The following TRIM44 variants were observed in gnomAD, a reference collection of about 807,000 sequenced individuals.
TRIM44 encodes the protein tripartite motif containing 44.
In TRIM44, 13 loss-of-function variants were observed where a neutral mutation model predicts 37.4. That is an observed-to-expected ratio of 0.35 (90% CI 0.23 to 0.55). The LOEUF is 0.55. Ranked by LOEUF, TRIM44 falls within the 20% of genes least tolerant of loss-of-function variation. The pLI is 0.89. For synonymous variants in TRIM44, 175 were observed against 157.2 expected (o/e 1.11, Z -0.85); for missense variants, 426 against 437.2 (o/e 0.97, Z 0.23).
chr11:35,712,538 TGG>T (rs1851988411), intron 2 of TRIM44, among the ~76,000 whole-genome samples: 3 of 152,110 alleles, frequency 2.0e-5, no homozygotes, highest in South Asian at 2.1e-4. Flanking sequence ...AAAACTAAGG[TGG>T]GCATGGTTTC....
chr11:35,732,622 G>C (rs1394002769), intron 3 of TRIM44, among the ~76,000 whole-genome samples: 2 of 152,316 alleles, frequency 1.3e-5, no homozygotes, highest in Non-Finnish European at 2.9e-5. Context: ...TCTTCTCTAA[G>C]TACTAGTGTA....
intron 4 of TRIM44, among the ~76,000 whole-genome samples, chr11:35,745,906 C>A (rs1461837670): frequency 1.3e-5 from 2 of 151,996 alleles, no homozygotes; most frequent in East Asian, 3.9e-4. Context: ...GACTGGGAAT[C>A]CCCCCGCCTT....
chr11:35,680,743 A>G (rs548474099), intron 1 of TRIM44, among the ~76,000 whole-genome samples: 2 of 152,340 alleles, frequency 1.3e-5, no homozygotes, highest in African/African-American at 4.8e-5. Flanking sequence ...ATATCCATCA[A>G]CAACATATGG....
At chr11:35,675,305 A>G (rs1851447898) in intron 1 of TRIM44, among the ~76,000 whole-genome samples, 1 of 152,224 alleles carries the variant, frequency 6.6e-6, no homozygotes, top group Non-Finnish European at 1.5e-5. Flanking sequence ...ATCTAAAATA[A>G]TGAAATAATT....
intron 1 of TRIM44, among the ~76,000 whole-genome samples, chr11:35,674,433 C>T (rs1222402180): frequency 6.6e-6 from 1 of 152,080 alleles, no homozygotes; most frequent in African/African-American, 2.4e-5. Context: ...ACCAAAGGCT[C>T]AATCCACAAT....
At chr11:35,805,172 C>T (rs1424486789) in intron 4 of TRIM44, among the ~76,000 whole-genome samples, 1 of 152,048 alleles carries the variant, frequency 6.6e-6, no homozygotes, top group Non-Finnish European at 1.5e-5. Flanking sequence ...TCACTTTTTT[C>T]ATCTGGAAAA....
At chr11:35,724,981 C>T (rs2135515308) in intron 2 of TRIM44, among the ~76,000 whole-genome samples, 1 of 151,876 alleles carries the variant, frequency 6.6e-6, no homozygotes. Flanking sequence ...ATGTTTATTG[C>T]TGTGTTGTTT....
intron 2 of TRIM44, among the ~76,000 whole-genome samples, chr11:35,690,327 G>A (rs1399180161): frequency 6.6e-6 from 1 of 152,138 alleles, no homozygotes; most frequent in Non-Finnish European, 1.5e-5. Context: ...GATATCATTG[G>A]CATGGAACAC....
chr11:35,713,130 G>A (rs1851999437), intron 2 of TRIM44, among the ~76,000 whole-genome samples: 1 of 152,102 alleles, frequency 6.6e-6, no homozygotes, highest in South Asian at 2.1e-4. Flanking sequence ...TTAGCCAAAG[G>A]GCAGAATTTA....
intron 2 of TRIM44, among the ~76,000 whole-genome samples, chr11:35,707,783 C>T (rs1287373683): frequency 3.6e-5 from 5 of 139,988 alleles, no homozygotes; most frequent in Non-Finnish European, 6.2e-5. Context: ...TAAAGACTTA[C>T]ATGTTAGACC....
chr11:35,686,362 GT>G (rs201740615), intron 2 of TRIM44, among the ~76,000 whole-genome samples: 1 of 143,706 alleles, frequency 7.0e-6, no homozygotes, highest in Non-Finnish European at 1.5e-5. Context: ...GGTTCTTTTT[GT>G]TTTTGTTTTT....
intron 2 of TRIM44, among the ~76,000 whole-genome samples, chr11:35,702,950 G>A (rs1000769366): frequency 2.0e-5 from 3 of 152,212 alleles, no homozygotes; most frequent in Admixed American, 6.5e-5. Context: ...GAAGCAGGGC[G>A]AGGCATTGCC....
chr11:35,796,634 G>T (rs538530678), intron 4 of TRIM44, among the ~76,000 whole-genome samples: 1 of 152,262 alleles, frequency 6.6e-6, no homozygotes, highest in Non-Finnish European at 1.5e-5. Context: ...CTAGTAGAGG[G>T]TATAGGAAAG....
At chr11:35,768,726 A>G (rs1306017484) in intron 4 of TRIM44, among the ~76,000 whole-genome samples, 2 of 152,332 alleles carry the variant, frequency 1.3e-5, no homozygotes, top group East Asian at 3.9e-4. Context: ...TTATTGATGT[A>G]TGTAATAAAA....
At chr11:35,666,520 CA>C (rs1314393882) in intron 1 of TRIM44, among the ~76,000 whole-genome samples, 2 of 152,074 alleles carry the variant, frequency 1.3e-5, no homozygotes, top group African/African-American at 2.4e-5. Context: ...TATTGCTTCG[CA>C]GTTAAGTTTT....
chr11:35,806,292 C>T, intron 4 of TRIM44, 66 bp from the exon 5 acceptor site: 1 of 1,564,712 alleles, frequency 6.4e-7, no homozygotes, highest in Non-Finnish European at 8.8e-7. Flanking sequence ...TGCTATCAAC[C>T]AGTAGACTAG....
At chr11:35,707,698 C>G (rs1184314976) in intron 2 of TRIM44, among the ~76,000 whole-genome samples, 1 of 147,848 alleles carries the variant, frequency 6.8e-6, no homozygotes, top group African/African-American at 2.4e-5. Context: ...GCTGGGAAAA[C>G]TGGCTAGCCA....
chr11:35,718,505 A>T (rs547132759), intron 2 of TRIM44, among the ~76,000 whole-genome samples: 7 of 152,312 alleles, frequency 4.6e-5, no homozygotes, highest in African/African-American at 1.4e-4. Flanking sequence ...CCACATGCGT[A>T]GCCTCCCCAA....
At chr11:35,782,503 G>T (rs1853078953) in intron 4 of TRIM44, among the ~76,000 whole-genome samples, 1 of 152,080 alleles carries the variant, frequency 6.6e-6, no homozygotes, top group Non-Finnish European at 1.5e-5. Context: ...CTTTGGTTTA[G>T]TGGCTAATGA....
Sources: gnomAD v4.1 joint callset for allele counts (sites outside exome capture counted in the v4.1 genomes callset) on GRCh38, gnomAD v4.1.1 for gene constraint, MANE v1.5 for transcripts, NCBI Gene and HGNC (gene_info 2026-07-23, HGNC 2026-07-21) for gene names.